Variants in PCDH15 observed in about 807,000 individuals in gnomAD.
PCDH15 encodes the protein protocadherin related 15.
A neutral mutation model predicts 178.5 loss-of-function variants in PCDH15; 129 were observed. The ratio of observed to expected loss-of-function variants is 0.72; its 90% CI spans 0.63 to 0.84. PCDH15 has a LOEUF of 0.84. PCDH15 is among the 40% of genes least tolerant of loss of function. The pLI, the probability that PCDH15 is intolerant of heterozygous loss-of-function variation, is 0.00. For missense variants in PCDH15, 2,230 were observed against 2,099.9 expected, an observed-to-expected ratio of 1.06 and a Z score of -1.21; for synonymous variants, 800 against 732.0, an observed-to-expected ratio of 1.09 and a Z score of -1.50.
At chr10:54,200,268 A>G (rs990974437) in intron 10 of PCDH15, among the ~76,000 whole-genome samples, 3 of 66,700 alleles carry the variant, frequency 4.5e-5, no homozygotes, top group African/African-American at 1.9e-4. Flanking sequence ...TACAGAGCCC[A>G]CTTTTTTTTT....
rs140632109 is a variant in PCDH15 at position 55,497,968 on chromosome 10, T to G, written c.-156+129657A>C. The stretch of plus-strand genomic sequence containing the variant: ...ATCTTGTGATTTAAATTCTTTTACC[T>G]ACGGATATGTATAAATCTGTTGGGT... On this transcript the variant is annotated intron_variant, in intron 2 of 5. Transcript: ENST00000613346. 7.4e-3 allele frequency among the ~76,000 whole-genome samples: 1,130 copies of G among 152,016 alleles called. 17 individuals are homozygous for G. Among genetic ancestry groups the G allele is most frequent in the African/African-American group, 0.026 (1,077 of 41,538 alleles).
chr10:55,046,075 C>G (rs1005120214), intron 2 of PCDH15, among the ~76,000 whole-genome samples: 2 of 152,050 alleles, frequency 1.3e-5, no homozygotes, highest in African/African-American at 4.8e-5. Context: ...TACTCCCTCT[C>G]TATGTACTAT....
At chr10:55,125,957 C>T (rs548740595) in intron 2 of PCDH15, among the ~76,000 whole-genome samples, 93 of 152,172 alleles carry the variant, frequency 6.1e-4, no homozygotes, top group Non-Finnish European at 9.0e-4. Context: ...ACCCAAGTCT[C>T]AATGCATATG....
chr10:55,579,498 T>C (rs553153168), intron 2 of PCDH15, among the ~76,000 whole-genome samples: 61 of 152,320 alleles, frequency 4.0e-4, no homozygotes, highest in African/African-American at 1.4e-3. Flanking sequence ...AAAATTTTTA[T>C]ATGATTTCTT....
At chr10:55,499,404 T>TACACACAC (rs200878607) in intron 2 of PCDH15, among the ~76,000 whole-genome samples, 111 of 136,388 alleles carry the variant, frequency 8.1e-4, no homozygotes, top group Admixed American at 1.6e-3. Context: ...AGACTCTCCC[T>TACACACAC]ACACACACAC....
intron 1 of PCDH15, among the ~76,000 whole-genome samples, chr10:55,197,816 T>A (rs1000165101): frequency 6.6e-5 from 10 of 152,278 alleles, no homozygotes; most frequent in African/African-American, 2.2e-4. Context: ...CCATTATGCA[T>A]CTAATATTTA....
intron 1 of PCDH15, among the ~76,000 whole-genome samples, chr10:54,712,162 CCTTTA>C (rs1196483624): frequency 2.6e-5 from 4 of 151,682 alleles, no homozygotes; most frequent in South Asian, 2.1e-4. Flanking sequence ...CAATTCTTTT[CCTTTA>C]CTTAATCTTC....
In PCDH15 at chr10:54,672,940, A is replaced by T. The variant is rs7913094; in HGVS notation, c.-28-8650T>A. 1.6e-3 allele frequency among the ~76,000 whole-genome samples: 244 copies of T among 152,300 alleles called. 4 individuals carry two copies. The highest frequency in any genetic ancestry group is 5.7e-3 in the African/African-American group (236 of 41,590). On this transcript the variant is annotated intron_variant, in intron 1 of 37. Coordinates refer to ENST00000644397, the MANE Select transcript of PCDH15 (RefSeq NM_001384140.1). ...GTGACAGATTTAGAATAAAAGATTC[A>T]TAACAGTTCTAATTTTAAAAAATGA... is the stretch of plus-strand genomic sequence containing the variant.
chr10:54,253,906 T>C (rs952932966), intron 8 of PCDH15, among the ~76,000 whole-genome samples: 1 of 152,164 alleles, frequency 6.6e-6, no homozygotes. Flanking sequence ...GAGATGTTAA[T>C]GTCATTTTCC....
chr10:55,308,279 A>G (rs141993940), intron 1 of PCDH15, among the ~76,000 whole-genome samples: 1,972 of 152,286 alleles, frequency 0.013, 22 homozygotes, highest in Admixed American at 0.019. Flanking sequence ...CACCACTACC[A>G]GACAGGGCAC....
chr10:55,127,581 T>C (rs1401461089), intron 2 of PCDH15, among the ~76,000 whole-genome samples: 2 of 152,086 alleles, frequency 1.3e-5, no homozygotes, highest in South Asian at 2.1e-4. Flanking sequence ...GACTATTCTT[T>C]CTCATTTCTC....
At chr10:55,108,492 T>G (rs1406160184) in intron 2 of PCDH15, among the ~76,000 whole-genome samples, 1 of 152,142 alleles carries the variant, frequency 6.6e-6, no homozygotes, top group African/African-American at 2.4e-5. Context: ...ATGTAAAATA[T>G]GTGTATTGAT....
At chr10:55,146,372 C>T (rs7905853) in intron 2 of PCDH15, among the ~76,000 whole-genome samples, 56,533 of 151,676 alleles carry the variant, frequency 0.37, 10,944 homozygotes, top group Admixed American at 0.47. Context: ...ATATGTGATA[C>T]TCTCTAGTAT....
chr10:55,410,421 T>C (rs1334872595), intron 2 of PCDH15, among the ~76,000 whole-genome samples: 1 of 152,080 alleles, frequency 6.6e-6, no homozygotes, highest in Admixed American at 6.6e-5. Flanking sequence ...TCATACTGGA[T>C]TTCACTCTGG....
At chr10:54,159,866 T>C (rs1267207580) in intron 13 of PCDH15, among the ~76,000 whole-genome samples, 2 of 152,056 alleles carry the variant, frequency 1.3e-5, no homozygotes, top group African/African-American at 4.8e-5. Context: ...TTTAAATGAG[T>C]ATTGCTTTGT....
intron 2 of PCDH15, among the ~76,000 whole-genome samples, chr10:54,975,320 A>G (rs1214518502): frequency 1.3e-5 from 2 of 152,274 alleles, no homozygotes; most frequent in Admixed American, 6.5e-5. Flanking sequence ...TGTTTCAACT[A>G]CCTAATTTAG....
At chr10:53,830,655 GA>G (rs2076962804) in intron 30 of PCDH15, among the ~76,000 whole-genome samples, 1 of 152,092 alleles carries the variant, frequency 6.6e-6, no homozygotes, top group South Asian at 2.1e-4. Context: ...GACTACTCTA[GA>G]TAAGTTAAAT....
At chr10:55,602,561 C>G (rs1225945923) in intron 2 of PCDH15, among the ~76,000 whole-genome samples, 2 of 152,184 alleles carry the variant, frequency 1.3e-5, no homozygotes, top group Non-Finnish European at 2.9e-5. Context: ...AGACTGCCTC[C>G]TCAAGTGGGT....
chr10:54,825,322 C>T lies in PCDH15; in HGVS notation c.-29+72128G>A, dbSNP rs1352578546. ...AAGTCTTTGCTATTGTGAATAGTGC[C>T]GCAATAAACATACGTGTGCATGTGT... On this transcript the variant is annotated intron_variant, in intron 3 of 5. Transcript: ENST00000458638. Among the ~76,000 whole-genome samples, 992 of 148,262 alleles carry T rather than the reference C, an allele frequency of 6.7e-3. 11 individuals carry two copies. The highest frequency in any genetic ancestry group is 0.023 in the African/African-American group (926 of 40,034).
Sources: gnomAD v4.1 joint callset for allele counts (sites outside exome capture counted in the v4.1 genomes callset) on GRCh38, gnomAD v4.1.1 for gene constraint, MANE v1.5 for transcripts, NCBI Gene and HGNC (gene_info 2026-07-23, HGNC 2026-07-21) for gene names.